Variants in DAB2 observed in about 807,000 individuals in gnomAD.
DAB2 encodes disabled homolog 2.
A neutral mutation model predicts 71.6 loss-of-function variants in DAB2; 28 were observed. That is an observed-to-expected ratio of 0.39 (90% CI 0.29 to 0.54). The LOEUF is 0.54. Ranked by LOEUF, DAB2 falls within the 20% of genes least tolerant of loss-of-function variation. The pLI, the probability that DAB2 is intolerant of heterozygous loss-of-function variation, is 0.68. For synonymous variants in DAB2, 345 were observed against 339.7 expected (o/e 1.02, Z -0.17); for missense variants, 867 against 928.8 (o/e 0.93, Z 0.86).
At chr5:39,381,078 T>C (rs1447736507) in intron 11 of DAB2, among the ~76,000 whole-genome samples, 1 of 152,212 alleles carries the variant, frequency 6.6e-6, no homozygotes, top group Non-Finnish European at 1.5e-5. Context: ...CGATCTATTA[T>C]GGCAAAAGAC....
rs1234063113 is a variant in DAB2 at position 39,400,527 on chromosome 5, C to T, written c.-101-6106G>A. On this transcript the variant is annotated intron_variant, in intron 1 of 14. Coordinates refer to ENST00000320816, the MANE Select transcript of DAB2 (RefSeq NM_001343.4). Reference sequence around the variant, plus strand: ...GATTATAGGTGTGAGCCACCGCATCCGGCTGAATGTGTCTCTATTTTATGA... The same window carrying T: ...GATTATAGGTGTGAGCCACCGCATCTGGCTGAATGTGTCTCTATTTTATGA... 4.6e-5 allele frequency among the ~76,000 whole-genome samples: 7 copies of T among 152,098 alleles called. No homozygotes were observed. In the East Asian group the frequency reaches 7.7e-4, roughly 17 times the overall value.
chr5:39,395,606 T>C (rs1413671104), intron 1 of DAB2, among the ~76,000 whole-genome samples: 2 of 152,232 alleles, frequency 1.3e-5, no homozygotes, highest in Non-Finnish European at 2.9e-5. Context: ...CCACTGTGAG[T>C]TTTAAAAGTC....
chr5:39,404,481 G>C (rs1051577845), intron 1 of DAB2, among the ~76,000 whole-genome samples: 7 of 118,258 alleles, frequency 5.9e-5, no homozygotes, highest in Non-Finnish European at 1.1e-4. Context: ...AAAAAAGAAA[G>C]AAACAGTCCC....
chr5:39,405,634 C>T (rs3843908), intron 1 of DAB2, among the ~76,000 whole-genome samples: 38,864 of 152,202 alleles, frequency 0.26, 5,113 homozygotes, highest in South Asian at 0.35. Flanking sequence ...TACAGTCTAG[C>T]GCATAGCATG....
At chr5:39,386,520 T>C (rs1484509133) in intron 9 of DAB2, among the ~76,000 whole-genome samples, 2 of 152,246 alleles carry the variant, frequency 1.3e-5, no homozygotes, top group African/African-American at 4.8e-5. Context: ...AGCCTTCTTT[T>C]GGTTATCAGA....
At chr5:39,416,919 T>C (rs934892985) in intron 1 of DAB2, among the ~76,000 whole-genome samples, 1 of 152,170 alleles carries the variant, frequency 6.6e-6, no homozygotes, top group African/African-American at 2.4e-5. Context: ...AACCCTTTTC[T>C]CTACTTTGAT....
chr5:39,402,756 A>G (rs888948584), intron 1 of DAB2, among the ~76,000 whole-genome samples: 7 of 152,180 alleles, frequency 4.6e-5, no homozygotes, highest in African/African-American at 1.7e-4. Flanking sequence ...GAAAAGTGAG[A>G]TGGTTTGCCA....
Position 39,412,555 on chromosome 5 carries a change from C to A in DAB2, c.-102+12249G>T, listed in dbSNP as rs188532318. On this transcript the variant is annotated intron_variant, in intron 1 of 14. Coordinates refer to ENST00000320816, the MANE Select transcript of DAB2 (RefSeq NM_001343.4). ...AAAACATAAGTGGAGTATAGACTTT[C>A]AGAAGATGAAAAATGCTCTGGGGAG... 3.6e-4 allele frequency among the ~76,000 whole-genome samples: 55 copies of A among 152,206 alleles called. 1 individual carries two copies. Among genetic ancestry groups the A allele is most frequent in the African/African-American group, 1.3e-3 (52 of 41,540 alleles).
chr5:39,414,944 A>G (rs765077797), intron 1 of DAB2, among the ~76,000 whole-genome samples: 144 of 152,208 alleles, frequency 9.5e-4, no homozygotes, highest in Non-Finnish European at 1.5e-3. Context: ...TCTCTACTCT[A>G]AAGGGGCTTA....
rs368200590 is a variant in DAB2 at position 39,376,689 on chromosome 5, C to T, written c.2098G>A (p.Asp700Asn). The stretch of plus-strand genomic sequence containing the variant: ...AATAGTTGATTAGCATCAAAGTCAT[C>T]ATGGTCTGCATTCTCCTGAGGAATG... ...VGIPQENADH[D>N]DFDANQLLNK... Residue 700 changes from aspartate (D) to asparagine (N), a missense_variant, in exon 12 of 15, where the codon GAT becomes AAT. Coordinates refer to ENST00000320816, the MANE Select transcript of DAB2 (RefSeq NM_001343.4). 72 of 1,613,984 alleles carry T rather than the reference C, an allele frequency of 4.5e-5. No homozygotes were observed. Among genetic ancestry groups the T allele is most frequent in the Non-Finnish European group, 5.6e-5 (66 of 1,180,018 alleles).
intron 9 of DAB2, among the ~76,000 whole-genome samples, chr5:39,384,966 A>T (rs1038822538): frequency 6.6e-6 from 1 of 151,994 alleles, no homozygotes; most frequent in Admixed American, 6.6e-5. Flanking sequence ...TTCAAATAGA[A>T]CTCCTTGGCT....
chr5:39,382,550 T>A, intron 10 of DAB2, 68 bp downstream of exon 10: 1 of 1,465,890 alleles, frequency 6.8e-7, no homozygotes, highest in Non-Finnish European at 9.3e-7. Context: ...GAAAGAGAGC[T>A]TGCATCACAC....
rs1754844956 is a variant in DAB2, at chr5:39,376,922, G to A, written c.1865C>T (p.Pro622Leu). 1 of 1,614,168 alleles carries A rather than the reference G, an allele frequency of 6.2e-7. No individual in the cohort carries two copies. The highest frequency in any genetic ancestry group is 1.1e-5 in the South Asian group (1 of 91,078). The change falls in exon 12 of 15, where the codon CCA becomes CTA. Residue 622 changes from proline (P) to leucine (L), a missense_variant. Physicochemically the swap from Pro to Leu is moderately conservative, Grantham distance 98 (BLOSUM62 -3). Transcript: ENST00000320816. The stretch of plus-strand genomic sequence containing the variant: ...CTTGGGAGGGCCAGCTCTGGGAGGT[G>A]GCTGAGGAGGAGTGACCAGGAGAGA... Reference protein sequence around the residue: ...HSSLLVTPPQPPPRAGPPKDI... With the variant: ...HSSLLVTPPQLPPRAGPPKDI...
chr5:39,398,164 A>G (rs1430896884), intron 1 of DAB2, among the ~76,000 whole-genome samples: 1 of 152,234 alleles, frequency 6.6e-6, no homozygotes, highest in Non-Finnish European at 1.5e-5. Context: ...GTATTCTTAC[A>G]TGAGACTATT....
chr5:39,404,084 C>T (rs890616000), intron 1 of DAB2, among the ~76,000 whole-genome samples: 3 of 151,970 alleles, frequency 2.0e-5, no homozygotes, highest in African/African-American at 7.3e-5. Context: ...CCACAATAAA[C>T]ATACGTGTGC....
chr5:39,375,756 C>T (rs997192585), intron 13 of DAB2, among the ~76,000 whole-genome samples: 1 of 151,972 alleles, frequency 6.6e-6, no homozygotes, highest in Non-Finnish European at 1.5e-5. Flanking sequence ...TGTGGTGGCA[C>T]GTGCCTATAG....
intron 4 of DAB2, 38 bp from the exon 5 acceptor site, chr5:39,390,613 C>A (rs1353853271): frequency 1.3e-6 from 2 of 1,544,590 alleles, no homozygotes; most frequent in Admixed American, 3.5e-5. Flanking sequence ...ATTAAGAAAA[C>A]TAGAATCTAT....
At chr5:39,379,054 A>G (rs1754895616) in intron 11 of DAB2, among the ~76,000 whole-genome samples, 1 of 152,230 alleles carries the variant, frequency 6.6e-6, no homozygotes, top group South Asian at 2.1e-4. Flanking sequence ...AATTTCCACC[A>G]GTTAGCTGTG....
Position 39,382,619 on chromosome 5 carries a change from T to C in DAB2, c.1340A>G (p.Lys447Arg). 1.2e-6 allele frequency: 2 copies of C among 1,612,198 alleles called. No individual in the cohort carries two copies. The highest frequency in any genetic ancestry group is 1.7e-6 in the Non-Finnish European group (2 of 1,178,452). ...GGATATGTGGAGAAGACAATTCACC[T>C]TAGCAGTCCTTCTGCCTCTTCCTGG... ...TKPGRGRRTA[K>R]SSANDLLASD... Residue 447 changes from lysine (K) to arginine (R), a missense_variant and splice_region_variant, in exon 10 of 15, where the codon AAG becomes AGG. Lys to Arg is a conservative substitution (Grantham distance 26). Coordinates refer to ENST00000320816, the MANE Select transcript of DAB2 (RefSeq NM_001343.4).
Sources: allele counts gnomAD v4.1 joint callset (sites outside exome capture counted in the v4.1 genomes callset), GRCh38; gene constraint gnomAD v4.1.1; transcripts MANE v1.5; gene names NCBI Gene and HGNC (gene_info 2026-07-23, HGNC 2026-07-21).